Variants in METTL3 observed in about 807,000 individuals in gnomAD.
METTL3 encodes the protein N(6)-adenosine-methyltransferase catalytic subunit METTL3.
A neutral mutation model predicts 64.3 loss-of-function variants in METTL3; 42 were observed. The observed-to-expected ratio is 0.65, with a 90% CI of 0.51 to 0.84. The LOEUF is 0.84. Among genes scored for constraint, METTL3 ranks in the 40% least tolerant of loss-of-function variants. The probability of loss-of-function intolerance (pLI) is 0.00; values close to 1 mark genes in which losing one functional copy is unlikely to be tolerated. For synonymous variants in METTL3, 256 were observed against 263.6 expected (o/e 0.97, Z 0.28); for missense variants, 435 against 722.3 (o/e 0.60, Z 4.56).
At chr14:21,509,864 A>C (rs545038123) in intron 1 of METTL3, among the ~76,000 whole-genome samples, 1 of 152,372 alleles carries the variant, frequency 6.6e-6, no homozygotes, top group African/African-American at 2.4e-5. Flanking sequence ...TCTCCCTCTT[A>C]GGTAATTCAG....
Position 21,503,019 on chromosome 14 carries a change from G to A in METTL3, c.723+154C>T, listed in dbSNP as rs183943893. On this transcript the variant is annotated intron_variant, in intron 3 of 10. Transcript: ENST00000298717. ...CATGTGTGACAATAAAAATGTCTCC[G>A]GACATTACCAGATCCCCTGGGAGTT... 2.4e-4 allele frequency: 204 copies of A among 839,898 alleles called. No individual in the cohort carries two copies. The African/African-American group carries it at 3.2e-3, about 13-fold the overall frequency. The allele number at this position is 839,898 out of a possible 1,614,324, so 52.0% of individuals were successfully genotyped here. A position where few individuals can be genotyped will look rare whatever the true frequency, so the allele number is the denominator to read the frequency against.
chr14:21,500,209 G>A (rs1891525339), intron 6 of METTL3, among the ~76,000 whole-genome samples: 1 of 151,648 alleles, frequency 6.6e-6, no homozygotes, highest in African/African-American at 2.4e-5. Flanking sequence ...AATACAAAAA[G>A]AAAAAATTAG....
chr14:21,506,325 G>A (rs926165026), intron 1 of METTL3, among the ~76,000 whole-genome samples: 2 of 151,502 alleles, frequency 1.3e-5, no homozygotes, highest in African/African-American at 4.9e-5. Context: ...AGGCAGAGGC[G>A]GGCAGATCAC....
intron 1 of METTL3, among the ~76,000 whole-genome samples, chr14:21,505,762 T>C (rs1891681954): frequency 6.6e-6 from 1 of 152,240 alleles, no homozygotes; most frequent in Non-Finnish European, 1.5e-5. Flanking sequence ...TATTCATTTA[T>C]TTATTCAACA....
intron 9 of METTL3, 83 bp from the exon 10 acceptor site, chr14:21,499,220 GA>G (rs1891492809): frequency 8.8e-6 from 14 of 1,589,878 alleles, no homozygotes; most frequent in Non-Finnish European, 1.2e-5. Flanking sequence ...ATCTAAATGA[GA>G]AAAATCTGGG....
chr14:21,503,344 C>T lies in METTL3; in HGVS notation c.552G>A (p.Ser184=), dbSNP rs148327070. The change falls in exon 3 of 11, where the codon TCG becomes TCA. Residue 184 remains serine (S), a synonymous_variant. Transcript: ENST00000298717. The part of the protein sequence containing the change: ...TGQKRRAEQD[S]TTVAAFASSL... ...AACTGGCAAAGGCAGCTACTGTAGT[C>T]GAGTCCTGTTCTGCACGCCGCTTCT... 161 of 1,614,004 alleles carry T rather than the reference C, an allele frequency of 1.0e-4. No homozygotes were observed. Among genetic ancestry groups the T allele is most frequent in the Non-Finnish European group, 1.2e-4 (145 of 1,180,024 alleles).
In METTL3 at chr14:21,499,387, AAC is replaced by A. The variant is rs1566490290; in HGVS notation, c.1453-18_1453-17del. The stretch of plus-strand genomic sequence containing the variant: ...TGACACCAACCTGCTCACCACAGAT[AAC>A]AGATTACCTTATGAAACCACACCTT... On this transcript the variant is annotated splice_polypyrimidine_tract_variant and intron_variant, in intron 8 of 10. Coordinates refer to ENST00000298717, the MANE Select transcript of METTL3 (RefSeq NM_019852.5). 3 of 1,614,090 alleles carry A rather than the reference AAC, an allele frequency of 1.9e-6. No individual in the cohort carries two copies. Among genetic ancestry groups the A allele is most frequent in the Non-Finnish European group, 2.5e-6 (3 of 1,179,936 alleles).
At chr14:21,501,550 A>G in intron 4 of METTL3, 178 bp downstream of exon 4, 1 of 757,324 alleles carries the variant, frequency 1.3e-6, no homozygotes, top group East Asian at 2.7e-5. Flanking sequence ...TTGGGAGTAC[A>G]GCCTGTATTC....
At chr14:21,507,414 A>G (rs1052598540) in intron 1 of METTL3, among the ~76,000 whole-genome samples, 1 of 152,002 alleles carries the variant, frequency 6.6e-6, no homozygotes, top group Admixed American at 6.6e-5. Flanking sequence ...AATCCCAGCA[A>G]TTTGAGAGGC....
chr14:21,503,933 A>AT, intron 1 of METTL3, 52 bp from the exon 2 acceptor site: 3 of 1,549,554 alleles, frequency 1.9e-6, no homozygotes, highest in Non-Finnish European at 1.8e-6. Context: ...GTTGGTCTAT[A>AT]TATTTCTGAG....
At chr14:21,502,011 A>AATTTT in intron 3 of METTL3, 108 bp from the exon 4 acceptor site, 1 of 725,562 alleles carries the variant, frequency 1.4e-6, no homozygotes, top group Non-Finnish European at 2.0e-6. Context: ...AGATAAATCA[A>AATTTT]CTTTTTTTTT....
intron 3 of METTL3, 99 bp from the exon 4 acceptor site, chr14:21,502,002 G>C: frequency 5.1e-6 from 4 of 784,872 alleles, no homozygotes; most frequent in Non-Finnish European, 7.8e-6. Context: ...TCTTCTAAGA[G>C]ATAAATCAAC....
At chr14:21,500,421 C>A in intron 6 of METTL3, 74 bp downstream of exon 6, 1 of 1,495,202 alleles carries the variant, frequency 6.7e-7, no homozygotes, top group South Asian at 1.2e-5. Context: ...TAGGAAAACC[C>A]AGGATTTTAT....
chr14:21,499,769 G>A lies in METTL3; in HGVS notation c.1338C>T (p.Leu446=), dbSNP rs781345971. The A allele has an allele frequency of 1.2e-6, 2 of 1,613,052 alleles. No homozygotes were observed. The highest frequency in any genetic ancestry group is 2.2e-5 in the South Asian group (2 of 91,052). Residue 446 remains leucine (L), a synonymous_variant, in exon 7 of 11, where the codon CTC becomes CTT. Coordinates refer to ENST00000298717, the MANE Select transcript of METTL3 (RefSeq NM_019852.5). ...GCAACACAACCACTACTTACCCCCA[G>A]AGGTTTAGACATTCTCTCCCCAACT... ...AMELGRECLN[L]WGYERVDEII...
chr14:21,507,900 T>C (rs1295855224), intron 1 of METTL3: 1 of 152,186 alleles, frequency 6.6e-6, no homozygotes, highest in African/African-American at 2.4e-5. Context: ...TACCAAATGA[T>C]GGGTCAGATC....
chr14:21,504,181 T>C (rs1462751899), intron 1 of METTL3: 4 of 337,396 alleles, frequency 1.2e-5, no homozygotes. Flanking sequence ...TAAATATCCC[T>C]ACCACCTTTC....
chr14:21,505,997 T>G (rs1315258638), intron 1 of METTL3, among the ~76,000 whole-genome samples: 3 of 152,160 alleles, frequency 2.0e-5, no homozygotes, highest in African/African-American at 4.8e-5. Flanking sequence ...CTGGAGCACT[T>G]CACATATTTA....
At position 21,500,952 on chromosome 14, in the gene METTL3, G is replaced by C. The variant is rs531030859; in HGVS notation, c.1077C>G (p.Val359=). Residue 359 remains valine (V), a synonymous_variant, in exon 5 of 11, where the codon GTC becomes GTG. Coordinates refer to ENST00000298717, the MANE Select transcript of METTL3 (RefSeq NM_019852.5). ...GTCGGTCTGCACTGGAATCACCTCCGACACTCTGTGTAAGAGCAAGCTCCT... is the reference window on the plus strand; with the variant it reads ...GTCGGTCTGCACTGGAATCACCTCCCACACTCTGTGTAAGAGCAAGCTCCT... ...PSQELALTQS[V]GGDSSADRLF... 6.2e-7 allele frequency: 1 copy of C among 1,614,124 alleles called. No individual in the cohort carries two copies.
chr14:21,501,456 C>G, intron 4 of METTL3: 1 of 561,036 alleles, frequency 1.8e-6, no homozygotes. Context: ...TTTCAGAGTA[C>G]TTTAACTTTC....
Sources: allele counts gnomAD v4.1 joint callset (sites outside exome capture counted in the v4.1 genomes callset), GRCh38; gene constraint gnomAD v4.1.1; transcripts MANE v1.5; gene names NCBI Gene and HGNC (gene_info 2026-07-23, HGNC 2026-07-21).